ZNF713: variants seen among roughly 807,000 people sequenced by gnomAD.
The protein encoded by ZNF713 is zinc finger protein 713.
In ZNF713, 21 loss-of-function variants were observed where a neutral mutation model predicts 28.7. The observed-to-expected ratio is 0.73, with a 90% CI of 0.52 to 1.05. The LOEUF (loss-of-function observed/expected upper bound fraction) is 1.05, where lower values mean the gene tolerates loss of function less well. Among genes scored for constraint, ZNF713 ranks in the 50% least tolerant of loss-of-function variants. The probability of loss-of-function intolerance (pLI) is 0.00; values close to 1 mark genes in which losing one functional copy is unlikely to be tolerated. For missense variants in ZNF713, 458 were observed against 532.4 expected (o/e 0.86, Z 1.37); for synonymous variants, 167 against 178.0 (o/e 0.94, Z 0.49).
intron 6 of ZNF713, among the ~76,000 whole-genome samples, chr7:55,934,974 C>T (rs543803258): frequency 7.3e-5 from 11 of 151,334 alleles, no homozygotes; most frequent in Admixed American, 2.0e-4. Context: ...CTGCAACCTC[C>T]GCCTCCTGGG....
At chr7:55,931,498 G>A (rs571748760) in intron 6 of ZNF713, among the ~76,000 whole-genome samples, 31 of 152,108 alleles carry the variant, frequency 2.0e-4, no homozygotes, top group African/African-American at 7.2e-4. Context: ...CATGTAGAAA[G>A]GATTAATATT....
Position 55,940,254 on chromosome 7 carries a change from CT to C in ZNF713, c.*249del, listed in dbSNP as rs1562751705. On this transcript the variant is annotated 3_prime_UTR_variant, in exon 7 of 7. Coordinates refer to ENST00000429591, the MANE Select transcript of ZNF713 (RefSeq NM_182633.3). ...TCTCCTGCCTCAGCCTCCTGAGTAG[CT>C]GGGACCACAGGTATGCACCACCACG... 1 of 614,814 alleles carries C rather than the reference CT, an allele frequency of 1.6e-6. No homozygotes were observed. The highest frequency in any genetic ancestry group is 1.9e-5 in the African/African-American group (1 of 51,822). The allele number at this position is 614,814 out of a possible 1,614,324, so 38.1% of individuals were successfully genotyped here. A position where few individuals can be genotyped will look rare whatever the true frequency, so the allele number is the denominator to read the frequency against.
intron 1 of ZNF713, among the ~76,000 whole-genome samples, chr7:55,891,949 T>TCC (rs1785387888): frequency 6.6e-6 from 1 of 152,126 alleles, no homozygotes; most frequent in Non-Finnish European, 1.5e-5. Flanking sequence ...CTGTCATCTA[T>TCC]GAATCTAAAG....
At chr7:55,921,385 A>G (rs1785990821) in intron 4 of ZNF713, among the ~76,000 whole-genome samples, 1 of 152,228 alleles carries the variant, frequency 6.6e-6, no homozygotes, top group South Asian at 2.1e-4. Context: ...ATAAGGCTCT[A>G]GCTGCCGTAG....
In ZNF713 at chr7:55,938,938, A is replaced by T. The variant is rs532786924; in HGVS notation, c.308-44A>T. The T allele has an allele frequency of 9.2e-6, 14 of 1,515,176 alleles. No individual in the cohort carries two copies. The South Asian group carries it at 1.1e-4, about 11-fold the overall frequency. 93.9% of individuals were successfully genotyped at this position (1,515,176 alleles called of 1,614,324 possible). Reference sequence around the variant, plus strand: ...ATTTCTTTTTCAAATCATAGATAACATGAGAATATTGGAAAGTATTTGTAT... The same window carrying T: ...ATTTCTTTTTCAAATCATAGATAACTTGAGAATATTGGAAAGTATTTGTAT... On this transcript the variant is annotated intron_variant, in intron 6 of 6. Coordinates refer to ENST00000429591, the MANE Select transcript of ZNF713 (RefSeq NM_182633.3).
chr7:55,899,516 CA>C (rs947602582), intron 1 of ZNF713, among the ~76,000 whole-genome samples: 1 of 143,656 alleles, frequency 7.0e-6, no homozygotes, highest in African/African-American at 2.6e-5. Flanking sequence ...ACTAAAAATA[CA>C]AAAAAATTTG....
At position 55,939,252 on chromosome 7, in the gene ZNF713, C is replaced by G. The variant is rs1456071483; in HGVS notation, c.578C>G (p.Ser193Ter). Residue 193 changes from serine to a stop codon, truncating the protein, a stop_gained, in exon 7 of 7, where the codon TCA becomes TGA. Transcript: ENST00000429591. LOFTEE classifies it high-confidence loss of function. ...NKFAENCNLN[S>*]NLMQQRIPSI... ...TTTGCAGAAAACTGTAATCTGAACT[C>G]AAACCTTATGCAGCAGAGAATTCCT... 2 of 1,613,984 alleles carry G rather than the reference C, an allele frequency of 1.2e-6. No homozygotes were observed. The highest frequency in any genetic ancestry group is 1.3e-5 in the African/African-American group (1 of 74,906).
At position 55,912,856 on chromosome 7, in the gene ZNF713, C is replaced by T. The variant is rs544276123; in HGVS notation, c.87+133C>T. 2.7e-5 allele frequency: 18 copies of T among 664,778 alleles called. No individual in the cohort carries two copies. In the East Asian group the frequency reaches 4.9e-4, roughly 18 times the overall value. 41.2% of individuals were successfully genotyped at this position (664,778 alleles called of 1,614,324 possible). A position where few individuals can be genotyped will look rare whatever the true frequency, so the allele number is the denominator to read the frequency against. On this transcript the variant is annotated intron_variant, in intron 4 of 6. Coordinates refer to ENST00000429591, the MANE Select transcript of ZNF713 (RefSeq NM_182633.3). ...AGATTCATGTGACAGATGATATACT[C>T]TCCACAGCATGTTTTCCATTCACCT...
At chr7:55,927,295 G>A (rs560274751) in intron 6 of ZNF713, among the ~76,000 whole-genome samples, 8 of 152,224 alleles carry the variant, frequency 5.3e-5, no homozygotes, top group South Asian at 2.1e-4. Flanking sequence ...TTCGGAGACC[G>A]TGGAAGGATC....
intron 2 of ZNF713, among the ~76,000 whole-genome samples, chr7:55,909,738 T>C (rs1785749403): frequency 6.6e-6 from 1 of 152,156 alleles, no homozygotes; most frequent in Non-Finnish European, 1.5e-5. Flanking sequence ...TAATTCTCCT[T>C]ATAGAGATCT....
intron 6 of ZNF713, among the ~76,000 whole-genome samples, chr7:55,935,872 G>A (rs999749265): frequency 1.3e-5 from 2 of 151,522 alleles, no homozygotes; most frequent in Admixed American, 1.3e-4. Flanking sequence ...GGAGAATGGC[G>A]TGAACCTGGG....
intron 4 of ZNF713, among the ~76,000 whole-genome samples, chr7:55,915,741 G>A (rs949398347): frequency 2.0e-5 from 3 of 152,182 alleles, no homozygotes; most frequent in Non-Finnish European, 2.9e-5. Context: ...CTTGAAGTGA[G>A]CTTGGAGAAG....
Position 55,927,921 on chromosome 7 carries a change from G to C in ZNF713, c.307+4222G>C, listed in dbSNP as rs1391777337. Among the ~76,000 whole-genome samples, 9 of 45,084 alleles carry C rather than the reference G, an allele frequency of 2.0e-4. No individual in the cohort carries two copies. In the East Asian group the frequency reaches 3.2e-3, roughly 16 times the overall value. 29.6% of individuals were successfully genotyped at this position (45,084 alleles called of 152,430 possible). A position where few individuals can be genotyped will look rare whatever the true frequency, so the allele number is the denominator to read the frequency against. On this transcript the variant is annotated intron_variant, in intron 6 of 6. Coordinates refer to ENST00000429591, the MANE Select transcript of ZNF713 (RefSeq NM_182633.3). ...CAAAAAAAAAAAAAAAAAAAAAAAA[G>C]CCACAAGAGATGGAGCAAGGTTCTA...
chr7:55,938,219 CAAAA>C (rs966929786), intron 6 of ZNF713, among the ~76,000 whole-genome samples: 1 of 151,192 alleles, frequency 6.6e-6, no homozygotes, highest in Admixed American at 6.6e-5. Context: ...CTCAAAAAAA[CAAAA>C]AAAAGAGGAA....
At chr7:55,924,501 G>A (rs1410438823) in intron 6 of ZNF713, 1 of 152,118 alleles carries the variant, frequency 6.6e-6, no homozygotes, top group Non-Finnish European at 1.5e-5. Flanking sequence ...GCAGTAAAGT[G>A]CTTTTAAGTA....
intron 4 of ZNF713, among the ~76,000 whole-genome samples, chr7:55,919,506 T>TTTTTTTTTTTTTTTG (rs1785949113): frequency 1.6e-5 from 1 of 63,104 alleles, no homozygotes; most frequent in Non-Finnish European, 2.8e-5. Flanking sequence ...TTTTTTTTTT[T>TTTTTTTTTTTTTTTG]TTTTTTTTTT....
chr7:55,934,436 G>T (rs560339101), intron 6 of ZNF713, among the ~76,000 whole-genome samples: 1 of 152,178 alleles, frequency 6.6e-6, no homozygotes, highest in South Asian at 2.1e-4. Context: ...CCATCAAATT[G>T]GCAAAATCAA....
intron 1 of ZNF713, among the ~76,000 whole-genome samples, chr7:55,900,343 CTG>C (rs1316612236): frequency 1.4e-5 from 2 of 142,646 alleles, no homozygotes; most frequent in Non-Finnish European, 3.0e-5. Context: ...CGGCACGTGT[CTG>C]TAATCCCATT....
Position 55,923,236 on chromosome 7 carries a change from G to A in ZNF713, c.162G>A (p.Lys54=). The change falls in exon 5 of 7, where the codon AAG becomes AAA. Residue 54 remains lysine (K), a synonymous_variant. Transcript: ENST00000429591. ...GGGACCAGCTGTACCCTGCCCAAAA[G>A]AACCTCTATCGAGACGTGATGCTGG... ...EEWDQLYPAQ[K]NLYRDVMLEN... is the part of the protein sequence containing the mutation. 6.2e-7 allele frequency: 1 copy of A among 1,613,950 alleles called. No individual in the cohort carries two copies. The highest frequency in any genetic ancestry group is 8.5e-7 in the Non-Finnish European group (1 of 1,179,942).
Sources: gnomAD v4.1 joint callset for allele counts (sites outside exome capture counted in the v4.1 genomes callset) on GRCh38, gnomAD v4.1.1 for gene constraint, MANE v1.5 for transcripts, NCBI Gene and HGNC (gene_info 2026-07-23, HGNC 2026-07-21) for gene names.